The following KCNH5 variants were observed in gnomAD, a reference collection of about 807,000 sequenced individuals.
KCNH5 encodes the protein potassium voltage-gated channel subfamily H member 5.
KCNH5 carries 46 observed loss-of-function variants against 96.1 expected under a neutral mutation model. The observed-to-expected ratio is 0.48, with a 90% CI of 0.38 to 0.61. KCNH5 has a LOEUF of 0.61. Ranked by LOEUF, KCNH5 falls within the 20% of genes least tolerant of loss-of-function variation. The pLI, the probability that KCNH5 is intolerant of heterozygous loss-of-function variation, is 0.00. For missense variants in KCNH5, 907 were observed against 1,225.8 expected, an observed-to-expected ratio of 0.74 and a Z score of 3.88; for synonymous variants, 439 against 449.8, an observed-to-expected ratio of 0.98 and a Z score of 0.30.
chr14:62,779,256 T>C (rs1224047608), intron 10 of KCNH5, among the ~76,000 whole-genome samples: 1 of 152,234 alleles, frequency 6.6e-6, no homozygotes, highest in Non-Finnish European at 1.5e-5. Context: ...ATGTGGCTAA[T>C]TAATTTTTGA....
rs1891779890 is a variant in KCNH5 at position 63,039,302 on chromosome 14, A to G, written c.73+5812T>C. On this transcript the variant is annotated intron_variant, in intron 1 of 10. Transcript: ENST00000322893. ...TCTTTTGGAGTTTAATAATTTAAAA[A>G]ACTTTGAAAATATTATTTAATAATT... 2.0e-5 allele frequency among the ~76,000 whole-genome samples: 3 copies of G among 152,086 alleles called. No homozygotes were observed. In the South Asian group the frequency reaches 6.2e-4, roughly 31 times the overall value.
chr14:62,716,776 T>C (rs1884695316), intron 10 of KCNH5, among the ~76,000 whole-genome samples: 1 of 152,208 alleles, frequency 6.6e-6, no homozygotes, highest in African/African-American at 2.4e-5. Flanking sequence ...CTACTTAACA[T>C]TGTATTGGGG....
chr14:63,031,681 G>T (rs1891629217), intron 1 of KCNH5, among the ~76,000 whole-genome samples: 1 of 152,082 alleles, frequency 6.6e-6, no homozygotes, highest in Non-Finnish European at 1.5e-5. Context: ...ACAACATGAG[G>T]ACTACAGTTA....
chr14:62,829,300 G>C (rs1887292644), intron 8 of KCNH5, among the ~76,000 whole-genome samples: 1 of 152,116 alleles, frequency 6.6e-6, no homozygotes, highest in Non-Finnish European at 1.5e-5. Flanking sequence ...AGCTTCACTA[G>C]GAAGTACCCC....
intron 7 of KCNH5, among the ~76,000 whole-genome samples, chr14:62,893,662 A>C (rs759915650): frequency 1.1e-4 from 16 of 152,166 alleles, no homozygotes; most frequent in Non-Finnish European, 1.9e-4. Flanking sequence ...AGGCTAAGGC[A>C]AGAGAATTGC....
At chr14:62,899,819 G>A (rs1888888857) in intron 7 of KCNH5, among the ~76,000 whole-genome samples, 3 of 125,324 alleles carry the variant, frequency 2.4e-5, no homozygotes, top group Non-Finnish European at 4.9e-5. Context: ...GGGCGACAGA[G>A]CGAGACTCCG....
At chr14:62,949,937 CATT>C in intron 7 of KCNH5, 193 bp downstream of exon 7, 1 of 538,408 alleles carries the variant, frequency 1.9e-6, no homozygotes, top group South Asian at 2.1e-5. Context: ...GTTTTTCACA[CATT>C]ATTATGTCCT....
At chr14:62,721,169 T>C (rs1050248077) in intron 10 of KCNH5, among the ~76,000 whole-genome samples, 3 of 151,548 alleles carry the variant, frequency 2.0e-5, no homozygotes, top group Non-Finnish European at 4.4e-5. Flanking sequence ...TTTGTCCGTA[T>C]TTCTCTATAG....
intron 7 of KCNH5, among the ~76,000 whole-genome samples, chr14:62,875,560 G>A (rs181489659): frequency 5.7e-4 from 86 of 152,142 alleles, no homozygotes; most frequent in African/African-American, 1.8e-3. Context: ...AGATGCTGGC[G>A]AGGAGAAACA....
Position 62,905,276 on chromosome 14 carries a change from C to T in KCNH5, c.1369+44857G>A, listed in dbSNP as rs187049645. ...AGCTTCAAATAAAAACACCTGGTAA[C>T]ATTTGCATAATAACCCTATTAGCTA... On this transcript the variant is annotated intron_variant, in intron 7 of 10. Coordinates refer to ENST00000322893, the MANE Select transcript of KCNH5 (RefSeq NM_139318.5). Among the ~76,000 whole-genome samples, 978 of 152,246 alleles carry T rather than the reference C, an allele frequency of 6.4e-3. 2 individuals carry two copies. Among genetic ancestry groups the T allele is most frequent in the Non-Finnish European group, 0.011 (761 of 68,016 alleles).
At chr14:62,752,046 T>C (rs1885511330) in intron 10 of KCNH5, among the ~76,000 whole-genome samples, 3 of 152,198 alleles carry the variant, frequency 2.0e-5, no homozygotes, top group African/African-American at 2.4e-5. Flanking sequence ...GGCTTTTGCA[T>C]ACATTCCTTC....
Position 62,707,555 on chromosome 14 carries a change from A to G in KCNH5, c.2920T>C (p.Ser974Pro). ...TCAGATTCAGGTGATTCAGGCCTTG[A>G]GACACTAAAAATATCCTGACATGGT... The part of the protein sequence containing the change: ...QIPCQDIFSV[S>P]RPESPESDKD... Residue 974 changes from serine to proline, a missense_variant, in exon 11 of 11, where the codon TCA becomes CCA. Ser to Pro is a moderately conservative substitution (Grantham distance 74). Coordinates refer to ENST00000322893, the MANE Select transcript of KCNH5 (RefSeq NM_139318.5). 6.7e-7 allele frequency: 1 copy of G among 1,502,408 alleles called. No homozygotes were observed. Among genetic ancestry groups the G allele is most frequent in the South Asian group, 1.4e-5 (1 of 69,532 alleles). The allele number at this position is 1,502,408 out of a possible 1,614,324, so 93.1% of individuals were successfully genotyped here.
chr14:62,899,559 C>T (rs1046974638), intron 7 of KCNH5, among the ~76,000 whole-genome samples: 4 of 152,074 alleles, frequency 2.6e-5, no homozygotes, highest in Non-Finnish European at 5.9e-5. Flanking sequence ...AGGCCGGGCG[C>T]GGTGGCTCAC....
chr14:62,707,697 G>T lies in KCNH5; in HGVS notation c.2778C>A (p.Cys926Ter), dbSNP rs746968263. The T allele has an allele frequency of 3.1e-6, 5 of 1,599,224 alleles. No individual in the cohort carries two copies. Among genetic ancestry groups the T allele is most frequent in the Non-Finnish European group, 8.6e-7 (1 of 1,168,116 alleles). The change falls in exon 11 of 11, where the codon TGC becomes TGA. Residue 926 changes from cysteine (C) to a stop codon, truncating the protein, a stop_gained. Transcript: ENST00000322893. LOFTEE classifies it high-confidence loss of function. Reference sequence around the variant, plus strand: ...CCTGCTTTTCTAGGGCAGTCATTCTGCAGCTGAGCAGCTGGATGTCCTCTT... The same window carrying T: ...CCTGCTTTTCTAGGGCAGTCATTCTTCAGCTGAGCAGCTGGATGTCCTCTT... ...ELKEDIQLLSCRMTALEKQVA... is the reference protein window; with the variant it reads ...ELKEDIQLLS
At chr14:62,777,276 G>C (rs191835691) in intron 10 of KCNH5, among the ~76,000 whole-genome samples, 1 of 152,290 alleles carries the variant, frequency 6.6e-6, no homozygotes, top group Non-Finnish European at 1.5e-5. Context: ...ACAGGTTTTA[G>C]AATCATAGAG....
chr14:62,733,751 C>A lies in KCNH5; in HGVS notation c.2020-25296G>T, dbSNP rs563683446. On this transcript the variant is annotated intron_variant, in intron 10 of 10. Coordinates refer to ENST00000322893, the MANE Select transcript of KCNH5 (RefSeq NM_139318.5). ...ACCCCGCTGCATTTGACACTATTGG[C>A]CACTTTACTCTTCCAGTAAATCTCT... is the stretch of plus-strand genomic sequence containing the variant. 5.9e-5 allele frequency among the ~76,000 whole-genome samples: 9 copies of A among 152,274 alleles called. No individual in the cohort carries two copies. In the South Asian group the frequency reaches 1.9e-3, roughly 32 times the overall value.
At chr14:62,811,236 T>G (rs1309462522) in intron 8 of KCNH5, among the ~76,000 whole-genome samples, 1 of 152,134 alleles carries the variant, frequency 6.6e-6, no homozygotes, top group African/African-American at 2.4e-5. Context: ...GAAACACATA[T>G]ATTATCATGT....
chr14:63,003,624 A>ATATATATATATT lies in KCNH5; in HGVS notation c.305-2166_305-2165insAATATATATATA, dbSNP rs1491457497. On this transcript the variant is annotated intron_variant, in intron 3 of 10. Coordinates refer to ENST00000322893, the MANE Select transcript of KCNH5 (RefSeq NM_139318.5). ...TATTTATATTTATATATATATATAT[A>ATATATATATATT]TTTTTTTTTTTTTGAGACGGAGTCT... 1.4e-3 allele frequency among the ~76,000 whole-genome samples: 134 copies of ATATATATATATT among 92,530 alleles called. 1 individual carries two copies. In the East Asian group the frequency reaches 0.03, roughly 21 times the overall value. The allele number at this position is 92,530 out of a possible 152,430, so 60.7% of individuals were successfully genotyped here.
chr14:62,765,866 T>G (rs1460343235), intron 10 of KCNH5, among the ~76,000 whole-genome samples: 1 of 152,036 alleles, frequency 6.6e-6, no homozygotes, highest in African/African-American at 2.4e-5. Context: ...TCAAAAAGCT[T>G]CTGCACAGCA....
Sources: allele counts gnomAD v4.1 joint callset (sites outside exome capture counted in the v4.1 genomes callset), GRCh38; gene constraint gnomAD v4.1.1; transcripts MANE v1.5; gene names NCBI Gene and HGNC (gene_info 2026-07-23, HGNC 2026-07-21).